VPS35: variants seen among roughly 807,000 people sequenced by gnomAD.
The protein encoded by VPS35 is vacuolar protein sorting-associated protein 35.
Under a neutral mutation model 98.1 loss-of-function variants are expected in VPS35, and 21 were observed. That is an observed-to-expected ratio of 0.21 (90% CI 0.15 to 0.31). The LOEUF (loss-of-function observed/expected upper bound fraction) is 0.31, where lower values mean the gene tolerates loss of function less well. Among genes scored for constraint, VPS35 ranks in the 10% least tolerant of loss-of-function variants. The probability of loss-of-function intolerance (pLI) is 1.00; values close to 1 mark genes in which losing one functional copy is unlikely to be tolerated. For synonymous variants in VPS35, 268 were observed against 318.2 expected, an observed-to-expected ratio of 0.84 and a Z score of 1.68; for missense variants, 554 against 950.8, an observed-to-expected ratio of 0.58 and a Z score of 5.49.
At chr16:46,668,845 T>C in intron 13 of VPS35, 85 bp downstream of exon 13, 1 of 1,563,192 alleles carries the variant, frequency 6.4e-7, no homozygotes, top group East Asian at 2.3e-5. Context: ...ACGTTTGAAA[T>C]TTTTTATAAT....
chr16:46,662,934 C>A, intron 14 of VPS35, 49 bp downstream of exon 14: 1 of 1,611,146 alleles, frequency 6.2e-7, no homozygotes, highest in Non-Finnish European at 8.5e-7. Context: ...AAACAAGCAA[C>A]TGAACCCAGC....
chr16:46,670,734 T>C (rs1336789565), intron 12 of VPS35, among the ~76,000 whole-genome samples: 15 of 152,080 alleles, frequency 9.9e-5, no homozygotes. Flanking sequence ...CAGAGCACAA[T>C]ACCACAGTCC....
intron 1 of VPS35, among the ~76,000 whole-genome samples, chr16:46,688,068 T>G (rs1296326624): frequency 6.6e-6 from 1 of 152,218 alleles, no homozygotes; most frequent in African/African-American, 2.4e-5. Context: ...ATAAAAATCC[T>G]GAGAAACAGG....
At chr16:46,671,478 T>C (rs79583197) in intron 12 of VPS35, among the ~76,000 whole-genome samples, 4 of 147,358 alleles carry the variant, frequency 2.7e-5, no homozygotes, top group Non-Finnish European at 6.0e-5. Flanking sequence ...GCCATGAATC[T>C]TTTTTTTTTT....
In VPS35 at chr16:46,656,241, T is replaced by C. The variant is rs976028487; in HGVS notation, c.*4231A>G. On this transcript the variant is annotated 3_prime_UTR_variant, in exon 17 of 17. Transcript: ENST00000299138. Reference sequence around the variant, plus strand: ...AGGTGGAGGAATGGCTGATCTCCTCTTGTCTTTGCTCTGCACATGGGAAGA... The same window carrying C: ...AGGTGGAGGAATGGCTGATCTCCTCCTGTCTTTGCTCTGCACATGGGAAGA... 3 of 152,216 alleles carry C rather than the reference T, an allele frequency of 2.0e-5. No individual in the cohort carries two copies. Among genetic ancestry groups the C allele is most frequent in the African/African-American group, 7.2e-5 (3 of 41,444 alleles). The allele number at this position is 152,216 out of a possible 1,614,324, so 9.4% of individuals were successfully genotyped here. A position where few individuals can be genotyped will look rare whatever the true frequency, so the allele number is the denominator to read the frequency against.
intron 13 of VPS35, among the ~76,000 whole-genome samples, chr16:46,663,635 G>A (rs1965945253): frequency 2.6e-5 from 4 of 152,054 alleles, no homozygotes; most frequent in Admixed American, 2.6e-4. Context: ...GACCTCAAGT[G>A]ATCTGCCCGC....
intron 8 of VPS35, among the ~76,000 whole-genome samples, chr16:46,675,327 TTAC>T (rs897519947): frequency 6.6e-6 from 1 of 152,224 alleles, no homozygotes; most frequent in Non-Finnish European, 1.5e-5. Context: ...TACTGCATTT[TTAC>T]TAAAGCTTGA....
chr16:46,680,878 G>C (rs1335906371), intron 4 of VPS35, 25 bp from the exon 5 acceptor site: 5 of 1,601,428 alleles, frequency 3.1e-6, no homozygotes, highest in Non-Finnish European at 4.3e-6. Context: ...AAGAAATGCT[G>C]ATTAGAAATA....
In VPS35 at chr16:46,660,465, T is replaced by C. The variant is rs183923278; in HGVS notation, c.*7A>G. ...CATGGAAAGGAGTATGGTGAGCTAT[T>C]TCCTTTTTAAAGGATGAGACCTTCA... On this transcript the variant is annotated 3_prime_UTR_variant, in exon 17 of 17. Coordinates refer to ENST00000299138, the MANE Select transcript of VPS35 (RefSeq NM_018206.6). 58 of 1,613,520 alleles carry C rather than the reference T, an allele frequency of 3.6e-5. No homozygotes were observed. In the Middle Eastern group the frequency reaches 9.9e-4, roughly 28 times the overall value.
At chr16:46,674,246 TGAGA>T in intron 10 of VPS35, 64 bp downstream of exon 10, 1 of 1,559,822 alleles carries the variant, frequency 6.4e-7, no homozygotes, top group Non-Finnish European at 8.8e-7. Context: ...AAAAAACAAT[TGAGA>T]AAGAAAAGCA....
intron 2 of VPS35, chr16:46,683,116 C>A: frequency 1.1e-5 from 2 of 183,706 alleles, no homozygotes; most frequent in African/African-American, 2.4e-5. Context: ...CATTTAAATC[C>A]ATTCATTCAA....
chr16:46,688,875 C>A, intron 1 of VPS35: 2 of 1,435,538 alleles, frequency 1.4e-6, no homozygotes, highest in Non-Finnish European at 1.8e-6. Context: ...AGCCTACATG[C>A]CAAGTCAACC....
rs542344490 is a variant in VPS35 at position 46,682,199 on chromosome 16, A to G, written c.103-24T>C. ...TCCTACAGAAATACCAAGAGAATAG[A>G]TGAGAATGCTTAATTTAAATAAACA... is the stretch of plus-strand genomic sequence containing the variant. On this transcript the variant is annotated intron_variant, in intron 2 of 16. Transcript: ENST00000299138. The G allele has an allele frequency of 1.1e-4, 167 of 1,511,920 alleles. 1 individual carries two copies. In the East Asian group the frequency reaches 3.2e-3, roughly 29 times the overall value. The allele number at this position is 1,511,920 out of a possible 1,614,324, so 93.7% of individuals were successfully genotyped here.
At chr16:46,685,424 A>C (rs1489883389) in intron 1 of VPS35, among the ~76,000 whole-genome samples, 1 of 152,228 alleles carries the variant, frequency 6.6e-6, no homozygotes, top group African/African-American at 2.4e-5. Flanking sequence ...GAAAGAGAAA[A>C]ATATTAACTG....
chr16:46,661,905 A>C lies in VPS35; in HGVS notation c.2068-44T>G. 6.2e-7 allele frequency: 1 copy of C among 1,613,016 alleles called. No individual in the cohort carries two copies. Among genetic ancestry groups the C allele is most frequent in the Non-Finnish European group, 8.5e-7 (1 of 1,179,468 alleles). Reference sequence around the variant, plus strand: ...GGGACAGTGAAGAGATTAATGAAACATCTCGTTTTCATACAAAGAAACACA... The same window carrying C: ...GGGACAGTGAAGAGATTAATGAAACCTCTCGTTTTCATACAAAGAAACACA... On this transcript the variant is annotated intron_variant, in intron 15 of 16. Coordinates refer to ENST00000299138, the MANE Select transcript of VPS35 (RefSeq NM_018206.6). The surrounding 1 kb of genome is among the most constrained non-coding windows in gnomAD (Gnocchi z 4.3).
Position 46,679,015 on chromosome 16 carries a change from C to CA in VPS35, c.647dup (p.Arg217GlufsTer38). 1 of 1,614,170 alleles carries CA rather than the reference C, an allele frequency of 6.2e-7. No individual in the cohort carries two copies. The highest frequency in any genetic ancestry group is 8.5e-7 in the Non-Finnish European group (1 of 1,180,026). ...CCAAATTTGTTCCCACTAAAATTCTCAGTTCTTGTCTTTCTCGTTCTCTTT... is the reference window on the plus strand; with the variant it reads ...CCAAATTTGTTCCCACTAAAATTCTCAAGTTCTTGTCTTTCTCGTTCTCTTT... On this transcript the variant is annotated frameshift_variant, in exon 6 of 17. Transcript: ENST00000299138. LOFTEE classifies it high-confidence loss of function.
rs1208050788 is a variant in VPS35 at position 46,674,560 on chromosome 16, A to C, written c.1011+4T>G. 3 of 1,609,914 alleles carry C rather than the reference A, an allele frequency of 1.9e-6. No individual in the cohort carries two copies. Among genetic ancestry groups the C allele is most frequent in the Non-Finnish European group, 2.5e-6 (3 of 1,177,660 alleles). ...TGAGAACTTAGGAGAAATGCTACACAAACCTGTATCACTGTAGCCACCTGC... is the reference window on the plus strand; with the variant it reads ...TGAGAACTTAGGAGAAATGCTACACCAACCTGTATCACTGTAGCCACCTGC... On this transcript the variant is annotated splice_donor_region_variant and intron_variant, in intron 9 of 16. Coordinates refer to ENST00000299138, the MANE Select transcript of VPS35 (RefSeq NM_018206.6).
intron 1 of VPS35, among the ~76,000 whole-genome samples, chr16:46,685,968 T>C (rs1223491683): frequency 6.6e-6 from 1 of 152,184 alleles, no homozygotes; most frequent in East Asian, 1.9e-4. Context: ...ATTAGGTACA[T>C]TCACATTAAT....
intron 6 of VPS35, 35 bp from the exon 7 acceptor site, chr16:46,677,433 C>T: frequency 1.9e-6 from 3 of 1,573,294 alleles, no homozygotes; most frequent in Non-Finnish European, 2.6e-6. Flanking sequence ...GGGTTAAAAT[C>T]TGTTTTCAAA....
Sources: allele counts gnomAD v4.1 joint callset (sites outside exome capture counted in the v4.1 genomes callset), GRCh38; gene constraint gnomAD v4.1.1; non-coding constraint Gnocchi (gnomAD v3.1); transcripts MANE v1.5; gene names NCBI Gene and HGNC (gene_info 2026-07-23, HGNC 2026-07-21).